RNF19A: variants seen among roughly 807,000 people sequenced by gnomAD.
RNF19A encodes the protein E3 ubiquitin-protein ligase RNF19A.
In RNF19A, 32 loss-of-function variants were observed where a neutral mutation model predicts 75.7. The ratio of observed to expected loss-of-function variants is 0.42; its 90% CI spans 0.32 to 0.57. The LOEUF is 0.57. RNF19A is among the 20% of genes least tolerant of loss of function. The probability of loss-of-function intolerance (pLI) is 0.10; values close to 1 mark genes in which losing one functional copy is unlikely to be tolerated. For synonymous variants in RNF19A, 335 were observed against 345.2 expected (o/e 0.97, Z 0.33); for missense variants, 782 against 1,036.3 (o/e 0.75, Z 3.37).
intron 1 of RNF19A, among the ~76,000 whole-genome samples, chr8:100,290,563 T>A (rs942403150): frequency 6.6e-6 from 1 of 152,188 alleles, no homozygotes; most frequent in African/African-American, 2.4e-5. Context: ...GGAAAAACAT[T>A]TCACTCAAAC....
chr8:100,328,400 G>T (rs1228578939), intron 1 of RNF19A, among the ~76,000 whole-genome samples: 24 of 152,092 alleles, frequency 1.6e-4, no homozygotes, highest in African/African-American at 5.6e-4. Flanking sequence ...AACATGCACA[G>T]GTTCTAGTCT....
rs1278250505 is a variant in RNF19A at position 100,330,912 on chromosome 8, T to C, written c.-243+5196A>G. Among the ~76,000 whole-genome samples the C allele has an allele frequency of 6.6e-6, 1 of 152,238 alleles. No individual in the cohort carries two copies. The highest frequency in any genetic ancestry group is 6.5e-5 in the Admixed American group (1 of 15,284). ...ATTAATGCGAAAAGTGCAGACTGGCTCCAAGGCTCTGAGCTGGTCTTTCTG... is the reference window on the plus strand; with the variant it reads ...ATTAATGCGAAAAGTGCAGACTGGCCCCAAGGCTCTGAGCTGGTCTTTCTG... On this transcript the variant is annotated intron_variant, in intron 1 of 3. Transcript: ENST00000519527. This position sits in a 1 kb window ranked among gnomAD's most constrained non-coding sequence, Gnocchi z 4.1.
intron 2 of RNF19A, among the ~76,000 whole-genome samples, chr8:100,280,195 T>A (rs1483137979): frequency 1.3e-5 from 2 of 152,218 alleles, no homozygotes; most frequent in African/African-American, 4.8e-5. Context: ...AAAAATTAAC[T>A]AAAAATTTCC....
At chr8:100,276,434 G>C (rs113206833) in intron 2 of RNF19A, among the ~76,000 whole-genome samples, 2 of 151,934 alleles carry the variant, frequency 1.3e-5, no homozygotes, top group Admixed American at 1.3e-4. Context: ...GGGAAAGAGT[G>C]GGGGGAAGTA....
chr8:100,263,755 CTTAG>C (rs997159812), intron 7 of RNF19A, among the ~76,000 whole-genome samples: 6 of 152,042 alleles, frequency 3.9e-5, no homozygotes, highest in Admixed American at 6.5e-5. Context: ...ATATCCTTTA[CTTAG>C]TTATTTATAA....
intron 1 of RNF19A, among the ~76,000 whole-genome samples, chr8:100,316,272 G>A (rs953032677): frequency 6.6e-6 from 1 of 152,086 alleles, no homozygotes; most frequent in African/African-American, 2.4e-5. Context: ...TAAAAGCAGC[G>A]TGGACCCAAA....
chr8:100,293,004 T>C (rs118148758), intron 1 of RNF19A, among the ~76,000 whole-genome samples: 1,922 of 152,264 alleles, frequency 0.013, 19 homozygotes, highest in Middle Eastern at 0.031. Flanking sequence ...GCAAGGATGG[T>C]TTCATCAGGC....
In RNF19A at chr8:100,331,940, A is replaced by G. The variant is rs968234019; in HGVS notation, c.-243+4168T>C. Among the ~76,000 whole-genome samples the G allele has an allele frequency of 6.6e-6, 1 of 152,180 alleles. No individual in the cohort carries two copies. The highest frequency in any genetic ancestry group is 1.5e-5 in the Non-Finnish European group (1 of 68,038). ...AATATATCAGTACCTACAAACTCAC[A>G]CAGTTCTTTTTAATGGCTGCATGAT... On this transcript the variant is annotated intron_variant, in intron 1 of 3. Transcript: ENST00000519527. This position sits in a 1 kb window ranked among gnomAD's most constrained non-coding sequence, Gnocchi z 5.2.
In RNF19A at chr8:100,261,548, A is replaced by C; in HGVS notation, c.1676T>G (p.Phe559Cys). ...SLSGSAMVNC[F>C]NRLEVQADVQ... is the part of the protein sequence containing the mutation. ...ACCAAACCAAAACACACACCTGTTAAAACAGTTTACCATGGCACTTCCTGA... is the reference window on the plus strand; with the variant it reads ...ACCAAACCAAAACACACACCTGTTACAACAGTTTACCATGGCACTTCCTGA... The change falls in exon 8 of 10, where the codon TTT becomes TGT. Residue 559 changes from phenylalanine (F) to cysteine (C), a missense_variant. Phe to Cys is a radical substitution (Grantham distance 205). Transcript: ENST00000341084. This position sits in a 1 kb window ranked among gnomAD's most constrained non-coding sequence, Gnocchi z 4.4. 6.2e-7 allele frequency: 1 copy of C among 1,613,992 alleles called. No individual in the cohort carries two copies. Among genetic ancestry groups the C allele is most frequent in the African/African-American group, 1.3e-5 (1 of 75,036 alleles).
chr8:100,289,059 C>CAA lies in RNF19A; in HGVS notation c.-93-794_-93-793dup, dbSNP rs34638933. ...TGAGCAACAGTGCGAGACTCCATCTCAAAAAAAAAAAAAAAAAAGTCATAT... is the reference window on the plus strand; with the variant it reads ...TGAGCAACAGTGCGAGACTCCATCTCAAAAAAAAAAAAAAAAAAAAGTCATAT... On this transcript the variant is annotated intron_variant, in intron 1 of 9. Transcript: ENST00000341084. Among the ~76,000 whole-genome samples, 749 of 92,420 alleles carry CAA rather than the reference C, an allele frequency of 8.1e-3. 17 individuals carry two copies. The highest frequency in any genetic ancestry group is 0.024 in the African/African-American group (650 of 26,704). 60.6% of individuals were successfully genotyped at this position (92,420 alleles called of 152,430 possible). A position where few individuals can be genotyped will look rare whatever the true frequency, so the allele number is the denominator to read the frequency against.
intron 1 of RNF19A, chr8:100,309,512 G>T (rs1822205248): frequency 8.1e-6 from 8 of 985,486 alleles, no homozygotes; most frequent in Non-Finnish European, 9.6e-6. Flanking sequence ...GGGGAGCGCC[G>T]CCTCGGCCCG....
chr8:100,292,189 T>C (rs1047853840), intron 1 of RNF19A, among the ~76,000 whole-genome samples: 4 of 152,186 alleles, frequency 2.6e-5, no homozygotes, highest in African/African-American at 9.7e-5. Flanking sequence ...CATGCTTATG[T>C]TGAGAAGATA....
rs1252163746 is a variant in RNF19A at position 100,264,513 on chromosome 8, T to TA, written c.1306+157dup. On this transcript the variant is annotated intron_variant, in intron 6 of 9. Coordinates refer to ENST00000341084, the MANE Select transcript of RNF19A (RefSeq NM_183419.4). The surrounding 1 kb of genome is among the most constrained non-coding windows in gnomAD (Gnocchi z 4.7). ...GCCACTAACAATTTACCAACTACTTTAAGGCTAGGCTCTTGAATCTGTAAT... is the reference window on the plus strand; with the variant it reads ...GCCACTAACAATTTACCAACTACTTTAAAGGCTAGGCTCTTGAATCTGTAAT... The TA allele has an allele frequency of 1.6e-6, 1 of 612,680 alleles. No individual in the cohort carries two copies. Among genetic ancestry groups the TA allele is most frequent in the African/African-American group, 1.8e-5 (1 of 54,122 alleles). The allele number at this position is 612,680 out of a possible 1,614,324, so 38.0% of individuals were successfully genotyped here. A position where few individuals can be genotyped will look rare whatever the true frequency, so the allele number is the denominator to read the frequency against.
At chr8:100,267,678 CTT>C (rs34590798) in intron 5 of RNF19A, among the ~76,000 whole-genome samples, 18 of 138,618 alleles carry the variant, frequency 1.3e-4, no homozygotes, top group Admixed American at 1.5e-4. Flanking sequence ...CTTGTTAGTT[CTT>C]TTTTTTTTTT....
intron 2 of RNF19A, among the ~76,000 whole-genome samples, chr8:100,285,056 T>G (rs1820951845): frequency 6.6e-6 from 1 of 152,198 alleles, no homozygotes; most frequent in East Asian, 1.9e-4. Context: ...TATTTATCTA[T>G]TCTACTGTTA....
intron 5 of RNF19A, among the ~76,000 whole-genome samples, chr8:100,267,392 T>A (rs1300048357): frequency 6.6e-6 from 1 of 152,096 alleles, no homozygotes; most frequent in Non-Finnish European, 1.5e-5. Context: ...ATTTTAGAGA[T>A]AGGATCTTGC....
upstream of RNF19A, chr8:100,310,005 G>A (rs1028857374): frequency 4.1e-6 from 4 of 985,498 alleles, no homozygotes; most frequent in Middle Eastern, 5.2e-4. Flanking sequence ...GGGCGGAGAC[G>A]ACGGAGGGGA....
chr8:100,289,059 CA>C (rs34638933), intron 1 of RNF19A, among the ~76,000 whole-genome samples: 282 of 92,562 alleles, frequency 3.0e-3, no homozygotes, highest in African/African-American at 3.1e-3. Flanking sequence ...GACTCCATCT[CA>C]AAAAAAAAAA....
chr8:100,266,008 G>A (rs1038554664), intron 5 of RNF19A, among the ~76,000 whole-genome samples: 5 of 152,176 alleles, frequency 3.3e-5, no homozygotes, highest in Admixed American at 1.3e-4. Context: ...CACAACTGAT[G>A]GAGCAGACTT....
Sources: allele counts gnomAD v4.1 joint callset (sites outside exome capture counted in the v4.1 genomes callset), GRCh38; gene constraint gnomAD v4.1.1; non-coding constraint Gnocchi (gnomAD v3.1); transcripts MANE v1.5; gene names NCBI Gene and HGNC (gene_info 2026-07-23, HGNC 2026-07-21).